The following CDH9 variants were observed in gnomAD, a reference collection of about 807,000 sequenced individuals.
CDH9 encodes cadherin 9.
In CDH9, 28 loss-of-function variants were observed where a neutral mutation model predicts 70.9. That is an observed-to-expected ratio of 0.40 (90% CI 0.29 to 0.54). CDH9 has a LOEUF of 0.54. Among genes scored for constraint, CDH9 ranks in the 20% least tolerant of loss-of-function variants. The probability of loss-of-function intolerance (pLI) is 0.59; values close to 1 mark genes in which losing one functional copy is unlikely to be tolerated. For missense variants in CDH9, 874 were observed against 984.4 expected (o/e 0.89, Z 1.50); for synonymous variants, 409 against 343.1 (o/e 1.19, Z -2.12).
intron 1 of CDH9, among the ~76,000 whole-genome samples, chr5:27,019,472 T>G (rs1027234258): frequency 4.6e-5 from 7 of 152,060 alleles, no homozygotes; most frequent in Non-Finnish European, 1.0e-4. Context: ...TGTAATTGTT[T>G]CACTCTAGTC....
chr5:26,937,467 C>T (rs1297163596), intron 2 of CDH9, among the ~76,000 whole-genome samples: 2 of 152,024 alleles, frequency 1.3e-5, no homozygotes, highest in African/African-American at 4.8e-5. Context: ...TTGTGAGTTT[C>T]CTACAAAGCT....
chr5:27,000,919 G>T (rs1431920706), intron 1 of CDH9, among the ~76,000 whole-genome samples: 1 of 152,074 alleles, frequency 6.6e-6, no homozygotes. Context: ...GCAAAACTTT[G>T]CATATAGTAA....
chr5:26,910,423 T>C (rs916840670), intron 3 of CDH9, among the ~76,000 whole-genome samples: 1 of 152,296 alleles, frequency 6.6e-6, no homozygotes. Context: ...ACAGCAACTT[T>C]GTGGCATGGT....
intron 2 of CDH9, among the ~76,000 whole-genome samples, chr5:26,947,147 G>A (rs1741768913): frequency 6.6e-6 from 1 of 152,096 alleles, no homozygotes; most frequent in Non-Finnish European, 1.5e-5. Flanking sequence ...AATTGTCCTA[G>A]TCCTCTTTGG....
chr5:27,023,766 T>C (rs1743177964), intron 1 of CDH9, among the ~76,000 whole-genome samples: 1 of 152,000 alleles, frequency 6.6e-6, no homozygotes, highest in Non-Finnish European at 1.5e-5. Context: ...AAATAGCATG[T>C]AAGGGCCAGG....
At chr5:27,004,952 A>T (rs1742834587) in intron 1 of CDH9, among the ~76,000 whole-genome samples, 1 of 152,062 alleles carries the variant, frequency 6.6e-6, no homozygotes, top group Non-Finnish European at 1.5e-5. Context: ...CAATAATGCA[A>T]TTTCAGTATC....
At chr5:26,890,144 T>A (rs1414696181) in intron 8 of CDH9, among the ~76,000 whole-genome samples, 187 bp from the exon 9 acceptor site, 1 of 152,180 alleles carries the variant, frequency 6.6e-6, no homozygotes, top group African/African-American at 2.4e-5. Flanking sequence ...GAAAACATAA[T>A]TGAGAATGAA....
At chr5:27,003,967 T>G (rs1416851868) in intron 1 of CDH9, among the ~76,000 whole-genome samples, 1 of 151,988 alleles carries the variant, frequency 6.6e-6, no homozygotes, top group Non-Finnish European at 1.5e-5. Context: ...TGAAATATTA[T>G]GTACTAGCTT....
intron 5 of CDH9, among the ~76,000 whole-genome samples, chr5:26,905,356 A>C (rs1315503641): frequency 1.3e-5 from 2 of 152,132 alleles, no homozygotes; most frequent in Non-Finnish European, 2.9e-5. Flanking sequence ...AGATACTACC[A>C]AACTTGAATA....
chr5:26,994,242 T>A (rs917692145), intron 1 of CDH9, among the ~76,000 whole-genome samples: 1 of 152,158 alleles, frequency 6.6e-6, no homozygotes, highest in Non-Finnish European at 1.5e-5. Flanking sequence ...GAGTTGATGT[T>A]GGAATAAGTA....
chr5:26,916,710 A>G (rs1404602618), intron 2 of CDH9, among the ~76,000 whole-genome samples: 1 of 152,006 alleles, frequency 6.6e-6, no homozygotes, highest in Non-Finnish European at 1.5e-5. Context: ...GAACTACTGT[A>G]GAACATTGAT....
At chr5:26,884,122 A>C (rs1740520864) in intron 11 of CDH9, among the ~76,000 whole-genome samples, 1 of 152,160 alleles carries the variant, frequency 6.6e-6, no homozygotes, top group Non-Finnish European at 1.5e-5. Flanking sequence ...GAAAGTGAAA[A>C]ATAAGAAATT....
At chr5:26,933,368 T>C (rs1473839917) in intron 2 of CDH9, among the ~76,000 whole-genome samples, 2 of 150,492 alleles carry the variant, frequency 1.3e-5, no homozygotes, top group Non-Finnish European at 3.0e-5. Context: ...AAAAAATAAA[T>C]AGGAAAAAGG....
At chr5:26,906,694 AG>A (rs1315560788) in intron 4 of CDH9, 24 bp downstream of exon 4, 1 of 1,611,150 alleles carries the variant, frequency 6.2e-7, no homozygotes, top group African/African-American at 1.3e-5. Flanking sequence ...TACAATAAGA[AG>A]TCAGCCAAGT....
chr5:26,925,488 A>G (rs1313592476), intron 2 of CDH9, among the ~76,000 whole-genome samples: 2 of 152,092 alleles, frequency 1.3e-5, no homozygotes, highest in Non-Finnish European at 2.9e-5. Context: ...ATTTTCTCCC[A>G]TTCTGTAGGT....
chr5:26,905,975 A>T lies in CDH9; in HGVS notation c.795T>A (p.Pro265=), dbSNP rs1740939727. Reference sequence around the variant, plus strand: ...ATTTCTTACTCTGGGGAAATCGAGGAGGGTTGTTGTTGACATCTGTCAGCG... The same window carrying T: ...ATTTCTTACTCTGGGGAAATCGAGGTGGGTTGTTGTTGACATCTGTCAGCG... ...NITLTDVNNN[P]PRFPQSTYQF... is the part of the protein sequence containing the mutation. The change falls in exon 5 of 12, where the codon CCT becomes CCA. Residue 265 remains proline, a synonymous_variant. Transcript: ENST00000231021. The T allele has an allele frequency of 6.2e-7, 1 of 1,613,140 alleles. No individual in the cohort carries two copies. Among genetic ancestry groups the T allele is most frequent in the Admixed American group, 1.7e-5 (1 of 59,854 alleles).
At chr5:26,995,830 G>A (rs1742655581) in intron 1 of CDH9, among the ~76,000 whole-genome samples, 2 of 151,946 alleles carry the variant, frequency 1.3e-5, no homozygotes, top group South Asian at 2.1e-4. Flanking sequence ...ACTATCAGAT[G>A]TACTATAAAG....
chr5:27,003,104 T>A (rs1284084168), intron 1 of CDH9, among the ~76,000 whole-genome samples: 1 of 152,090 alleles, frequency 6.6e-6, no homozygotes, highest in Non-Finnish European at 1.5e-5. Context: ...TCTTATGAGT[T>A]GAGCATTTCA....
intron 1 of CDH9, among the ~76,000 whole-genome samples, chr5:27,020,366 C>T (rs1743116665): frequency 6.6e-6 from 1 of 150,794 alleles, no homozygotes; most frequent in Admixed American, 6.6e-5. Flanking sequence ...TTCTGGAAAC[C>T]AACAATTCCA....
Sources: allele counts gnomAD v4.1 joint callset (sites outside exome capture counted in the v4.1 genomes callset), GRCh38; gene constraint gnomAD v4.1.1; transcripts MANE v1.5; gene names NCBI Gene and HGNC (gene_info 2026-07-23, HGNC 2026-07-21).